The following SGCD variants were observed in gnomAD, a reference collection of about 807,000 sequenced individuals.
SGCD encodes the protein delta-sarcoglycan.
Under a neutral mutation model 36.6 loss-of-function variants are expected in SGCD, and 18 were observed. The ratio of observed to expected loss-of-function variants is 0.49; its 90% CI spans 0.34 to 0.73. SGCD has a LOEUF of 0.73. Among genes scored for constraint, SGCD ranks in the 30% least tolerant of loss-of-function variants. The pLI, the probability that SGCD is intolerant of heterozygous loss-of-function variation, is 0.01. For missense variants in SGCD, 387 were observed against 346.7 expected, an observed-to-expected ratio of 1.12 and a Z score of -0.92; for synonymous variants, 133 against 130.6, an observed-to-expected ratio of 1.02 and a Z score of -0.12.
intron 7 of SGCD, among the ~76,000 whole-genome samples, chr5:156,737,516 T>C (rs146470319): frequency 1.3e-5 from 2 of 152,328 alleles, no homozygotes; most frequent in African/African-American, 4.8e-5. Flanking sequence ...GGTATAGTTA[T>C]TTACATATAA....
chr5:156,257,787 C>T (rs1255078322), intron 3 of SGCD, among the ~76,000 whole-genome samples: 3 of 152,050 alleles, frequency 2.0e-5, no homozygotes, highest in Admixed American at 1.3e-4. Flanking sequence ...TCCCTTGAAC[C>T]CGGGAGGTGG....
At chr5:155,898,810 A>T (rs955013457) in intron 1 of SGCD, among the ~76,000 whole-genome samples, 2 of 152,160 alleles carry the variant, frequency 1.3e-5, no homozygotes, top group African/African-American at 4.8e-5. Context: ...CAAGAGAAGG[A>T]AACTCTCTTA....
In SGCD at chr5:156,355,616, A is replaced by G. The variant is rs922009857; in HGVS notation, c.192+10939A>G. 4.6e-5 allele frequency among the ~76,000 whole-genome samples: 7 copies of G among 152,324 alleles called. No homozygotes were observed. In the South Asian group the frequency reaches 1.0e-3, roughly 23 times the overall value. On this transcript the variant is annotated intron_variant, in intron 3 of 8. Transcript: ENST00000337851. Reference sequence around the variant, plus strand: ...AATATACAGTTGGATCAGATGATACATAAGGTCCAACACCCTCAAATAATT... The same window carrying G: ...AATATACAGTTGGATCAGATGATACGTAAGGTCCAACACCCTCAAATAATT...
intron 7 of SGCD, among the ~76,000 whole-genome samples, chr5:156,698,528 G>A (rs184704012): frequency 6.6e-6 from 1 of 152,300 alleles, no homozygotes; most frequent in East Asian, 1.9e-4. Flanking sequence ...TGCAGAACAG[G>A]AGTCCCTTCC....
At chr5:156,449,883 C>T (rs7706475) in intron 3 of SGCD, among the ~76,000 whole-genome samples, 1,719 of 145,610 alleles carry the variant, frequency 0.012, 29 homozygotes, top group African/African-American at 0.041. Flanking sequence ...GAAACTTTTT[C>T]GACTTCAGAA....
chr5:156,623,379 A>G (rs1762328422), intron 6 of SGCD, among the ~76,000 whole-genome samples: 1 of 152,208 alleles, frequency 6.6e-6, no homozygotes, highest in South Asian at 2.1e-4. Context: ...GCCCAAATAC[A>G]TCCTTGACAT....
intron 3 of SGCD, among the ~76,000 whole-genome samples, chr5:156,283,426 T>C (rs190203600): frequency 2.0e-5 from 3 of 152,308 alleles, no homozygotes; most frequent in Non-Finnish European, 4.4e-5. Context: ...TTCTTTACAC[T>C]TACTTATTCT....
intron 6 of SGCD, among the ~76,000 whole-genome samples, chr5:156,607,353 G>C (rs1390817731): frequency 6.6e-6 from 1 of 152,158 alleles, no homozygotes; most frequent in Non-Finnish European, 1.5e-5. Flanking sequence ...TATATTTACT[G>C]GTTTGTGTAT....
At chr5:156,428,827 A>G (rs1159117779) in intron 3 of SGCD, among the ~76,000 whole-genome samples, 1 of 152,022 alleles carries the variant, frequency 6.6e-6, no homozygotes, top group East Asian at 1.9e-4. Flanking sequence ...TAATTTCCAT[A>G]TATTTGTATA....
At chr5:155,908,049 C>A (rs371226091) in intron 1 of SGCD, among the ~76,000 whole-genome samples, 1 of 152,126 alleles carries the variant, frequency 6.6e-6, no homozygotes, top group African/African-American at 2.4e-5. Context: ...TGAGGCAAGA[C>A]CCTCTGCCAG....
At chr5:156,223,743 G>T (rs771020435) in intron 3 of SGCD, among the ~76,000 whole-genome samples, 14 of 152,166 alleles carry the variant, frequency 9.2e-5, no homozygotes, top group African/African-American at 3.1e-4. Context: ...AAATGCAGAG[G>T]GGGGATAGAA....
chr5:155,969,191 T>C (rs1757960853), intron 1 of SGCD, among the ~76,000 whole-genome samples: 1 of 152,140 alleles, frequency 6.6e-6, no homozygotes, highest in Non-Finnish European at 1.5e-5. Context: ...TTTGTTGCAC[T>C]GCTACATTTT....
chr5:156,164,254 C>T (rs1345117049), intron 3 of SGCD, among the ~76,000 whole-genome samples: 1 of 151,494 alleles, frequency 6.6e-6, no homozygotes, highest in Non-Finnish European at 1.5e-5. Context: ...CATTTTTGGA[C>T]TTGAGGTTCA....
At chr5:156,464,390 T>C (rs1754633662) in intron 3 of SGCD, among the ~76,000 whole-genome samples, 2 of 151,910 alleles carry the variant, frequency 1.3e-5, no homozygotes. Flanking sequence ...CTGACTAATT[T>C]TTTGTATATT....
chr5:156,152,122 A>G (rs1762848098), intron 3 of SGCD, among the ~76,000 whole-genome samples: 2 of 151,608 alleles, frequency 1.3e-5, no homozygotes, highest in Admixed American at 1.3e-4. Context: ...ATAATGTTGA[A>G]TAATTGTGAG....
At chr5:156,091,016 C>A (rs564415902) in intron 1 of SGCD, among the ~76,000 whole-genome samples, 1 of 152,220 alleles carries the variant, frequency 6.6e-6, no homozygotes, top group Middle Eastern at 3.4e-3. Flanking sequence ...TTTGATTGTT[C>A]AAACACACGT....
At chr5:155,769,620 T>C in the SGCD span, among the ~76,000 whole-genome samples, 1 of 152,170 alleles carries the variant, frequency 6.6e-6, no homozygotes, top group Admixed American at 6.5e-5. Flanking sequence ...CCCCAGTTTT[T>C]AACCTTGGCA....
chr5:156,760,772 C>G lies in SGCD; in HGVS notation c.*1382C>G, dbSNP rs1379278761. ...GACAGGGGATTACACCATCTCTGTT[C>G]AAAGAGGGGGAAATGTGCCTATGCC... On this transcript the variant is annotated 3_prime_UTR_variant, in exon 9 of 9. Transcript: ENST00000337851. 2 of 152,616 alleles carry G rather than the reference C, an allele frequency of 1.3e-5. No homozygotes were observed. The highest frequency in any genetic ancestry group is 2.9e-5 in the Non-Finnish European group (2 of 68,042). 9.5% of individuals were successfully genotyped at this position (152,616 alleles called of 1,614,324 possible).
chr5:156,412,794 T>A (rs1378639841), intron 3 of SGCD, among the ~76,000 whole-genome samples: 1 of 149,034 alleles, frequency 6.7e-6, no homozygotes, highest in African/African-American at 2.5e-5. Context: ...GTTCTTTTTT[T>A]TTTTTTTTTT....
Sources: allele counts gnomAD v4.1 joint callset (sites outside exome capture counted in the v4.1 genomes callset), GRCh38; gene constraint gnomAD v4.1.1; transcripts MANE v1.5; gene names NCBI Gene and HGNC (gene_info 2026-07-23, HGNC 2026-07-21).